The following CNTNAP4 variants were observed in gnomAD, a reference collection of about 807,000 sequenced individuals.
CNTNAP4 encodes the protein contactin-associated protein-like 4.
CNTNAP4 carries 98 observed loss-of-function variants against 148.4 expected under a neutral mutation model. The observed-to-expected ratio is 0.66, with a 90% CI of 0.56 to 0.78. CNTNAP4 has a LOEUF of 0.78. CNTNAP4 is among the 30% of genes least tolerant of loss of function. The probability of loss-of-function intolerance (pLI) is 0.00; values close to 1 mark genes in which losing one functional copy is unlikely to be tolerated. For synonymous variants in CNTNAP4, 730 were observed against 565.1 expected (o/e 1.29, Z -4.14); for missense variants, 1,935 against 1,565.6 (o/e 1.24, Z -3.98).
rs185672676 is a variant in CNTNAP4 at position 76,375,158 on chromosome 16, A to G, written c.390+19647A>G. On this transcript the variant is annotated intron_variant, in intron 3 of 23. Transcript: ENST00000611870. ...ACGTATTTACTAGGTGCAGTGGCTC[A>G]TGCCTGTAATCCCAGCACTTTTGGA... is the stretch of plus-strand genomic sequence containing the variant. Among the ~76,000 whole-genome samples, 122 of 152,278 alleles carry G rather than the reference A, an allele frequency of 8.0e-4. No individual in the cohort carries two copies. In the East Asian group the frequency reaches 0.019, roughly 23 times the overall value.
intron 1 of CNTNAP4, among the ~76,000 whole-genome samples, chr16:76,302,684 C>T (rs992315980): frequency 6.6e-6 from 1 of 152,076 alleles, no homozygotes; most frequent in African/African-American, 2.4e-5. Context: ...TGCTATATAA[C>T]ATAACATAAG....
chr16:76,386,527 G>A (rs142548509), intron 3 of CNTNAP4, among the ~76,000 whole-genome samples: 3 of 152,254 alleles, frequency 2.0e-5, no homozygotes, highest in African/African-American at 7.2e-5. Flanking sequence ...TTAGAGCAGT[G>A]AGAGCTGTGT....
At position 76,540,570 on chromosome 16, in the gene CNTNAP4, T is replaced by G. The variant is rs553636203; in HGVS notation, c.3355-133T>G. 4.9e-5 allele frequency: 18 copies of G among 370,302 alleles called. 1 individual carries two copies. The highest frequency in any genetic ancestry group is 2.5e-4 in the African/African-American group (12 of 47,206). The allele number at this position is 370,302 out of a possible 1,614,324, so 22.9% of individuals were successfully genotyped here. A position where few individuals can be genotyped will look rare whatever the true frequency, so the allele number is the denominator to read the frequency against. On this transcript the variant is annotated intron_variant, in intron 20 of 23. Coordinates refer to ENST00000611870, the MANE Select transcript of CNTNAP4 (RefSeq NM_033401.5). ...TAAGTGGCTAAGCTTTTAAATTTTG[T>G]TTTTTTCTAAATGTTTGGGGCCATG... is the stretch of plus-strand genomic sequence containing the variant.
At chr16:76,550,538 T>G (rs2084914927) in intron 21 of CNTNAP4, among the ~76,000 whole-genome samples, 1 of 152,130 alleles carries the variant, frequency 6.6e-6, no homozygotes. Flanking sequence ...AAAGGGAAGA[T>G]TTTTTAAAGG....
chr16:76,449,498 C>T (rs1211789001), intron 6 of CNTNAP4, among the ~76,000 whole-genome samples: 1 of 152,034 alleles, frequency 6.6e-6, no homozygotes, highest in Non-Finnish European at 1.5e-5. Flanking sequence ...AATATCAAAG[C>T]CAGATGTGAT....
At chr16:76,516,314 C>T (rs114792569) in intron 15 of CNTNAP4, among the ~76,000 whole-genome samples, 2,771 of 150,132 alleles carry the variant, frequency 0.018, 89 homozygotes, top group African/African-American at 0.063. Context: ...GGTGTAGATG[C>T]GCCACATTTT....
At chr16:76,555,831 G>T (rs2085174966) in intron 23 of CNTNAP4, among the ~76,000 whole-genome samples, 1 of 152,176 alleles carries the variant, frequency 6.6e-6, no homozygotes, top group South Asian at 2.1e-4. Context: ...GCTTGCCAGG[G>T]TCCCTGAAAC....
chr16:76,327,296 A>C (rs894460471), intron 2 of CNTNAP4, among the ~76,000 whole-genome samples: 5 of 152,262 alleles, frequency 3.3e-5, no homozygotes, highest in African/African-American at 4.8e-5. Context: ...ACAAGATAAC[A>C]TGTGGTATTA....
chr16:76,375,209 G>T (rs1048924101), intron 3 of CNTNAP4, among the ~76,000 whole-genome samples: 1 of 152,006 alleles, frequency 6.6e-6, no homozygotes, highest in Non-Finnish European at 1.5e-5. Context: ...ATAACTTGAC[G>T]TCAGAAGTTC....
intron 14 of CNTNAP4, among the ~76,000 whole-genome samples, chr16:76,497,685 T>G (rs7200148): frequency 0.67 from 96,032 of 142,362 alleles, 32,531 homozygotes; most frequent in East Asian, 0.76. Context: ...ACACACTGGG[T>G]CCTGTTGGGG....
At chr16:76,299,801 AAT>A (rs1275412845) in intron 1 of CNTNAP4, among the ~76,000 whole-genome samples, 1 of 152,242 alleles carries the variant, frequency 6.6e-6, no homozygotes, top group South Asian at 2.1e-4. Flanking sequence ...TACACCACAG[AAT>A]ACTATGCAGC....
In CNTNAP4 at chr16:76,449,717, C is replaced by A; in HGVS notation, c.930C>A (p.Ile310=). The A allele has an allele frequency of 1.3e-6, 2 of 1,560,424 alleles. No individual in the cohort carries two copies. Among genetic ancestry groups the A allele is most frequent in the South Asian group, 1.2e-5 (1 of 81,216 alleles). The change falls in exon 7 of 24, where the codon ATC becomes ATA. Residue 310 remains isoleucine (I), a splice_region_variant and synonymous_variant. Coordinates refer to ENST00000611870, the MANE Select transcript of CNTNAP4 (RefSeq NM_033401.5). ...TTGATGCCATTTTTCTTTCTAAGAT[C>A]AGCTTTGGAGGGATTCCAGCACCTG... ...EFNLMNLDYE[I]SFGGIPAPGK... is the part of the protein sequence containing the mutation.
At chr16:76,382,728 C>T (rs1011007642) in intron 3 of CNTNAP4, among the ~76,000 whole-genome samples, 1 of 152,086 alleles carries the variant, frequency 6.6e-6, no homozygotes, top group African/African-American at 2.4e-5. Context: ...AATGATATCT[C>T]CTAGCACCTA....
intron 2 of CNTNAP4, among the ~76,000 whole-genome samples, chr16:76,340,705 TTC>T (rs1362857893): frequency 6.6e-6 from 1 of 152,234 alleles, no homozygotes; most frequent in African/African-American, 2.4e-5. Flanking sequence ...AGAGACTTAC[TTC>T]TGTTTTGCTC....
chr16:76,497,342 G>C (rs1169798191), intron 14 of CNTNAP4, among the ~76,000 whole-genome samples: 2 of 152,128 alleles, frequency 1.3e-5, no homozygotes, highest in African/African-American at 4.8e-5. Context: ...TGTCTAAATA[G>C]ACTGTGATAA....
chr16:76,544,716 A>G (rs2084632295), intron 21 of CNTNAP4, among the ~76,000 whole-genome samples: 1 of 152,190 alleles, frequency 6.6e-6, no homozygotes, highest in South Asian at 2.1e-4. Flanking sequence ...GATTAGTTTT[A>G]TGATTTATTT....
At chr16:76,299,151 A>G (rs1478964298) in intron 1 of CNTNAP4, among the ~76,000 whole-genome samples, 1 of 152,208 alleles carries the variant, frequency 6.6e-6, no homozygotes, top group Non-Finnish European at 1.5e-5. Flanking sequence ...GACAAATGGG[A>G]TCTAATTAAA....
intron 15 of CNTNAP4, among the ~76,000 whole-genome samples, chr16:76,512,368 G>A (rs1309154707): frequency 6.6e-6 from 1 of 152,134 alleles, no homozygotes; most frequent in African/African-American, 2.4e-5. Flanking sequence ...AGAAATTATG[G>A]TAGCTTGAGC....
intron 9 of CNTNAP4, among the ~76,000 whole-genome samples, chr16:76,466,314 G>A (rs2081174938): frequency 6.6e-6 from 1 of 152,100 alleles, no homozygotes; most frequent in African/African-American, 2.4e-5. Context: ...ACAAAATACA[G>A]TTAGAATGAA....
Sources: allele counts gnomAD v4.1 joint callset (sites outside exome capture counted in the v4.1 genomes callset), GRCh38; gene constraint gnomAD v4.1.1; transcripts MANE v1.5; gene names NCBI Gene and HGNC (gene_info 2026-07-23, HGNC 2026-07-21).